AIG1: variants seen among roughly 807,000 people sequenced by gnomAD.
AIG1 encodes androgen induced 1.
In AIG1, 23 loss-of-function variants were observed where a neutral mutation model predicts 31.4. The ratio of observed to expected loss-of-function variants is 0.73; its 90% CI spans 0.53 to 1.04. AIG1 has a LOEUF of 1.04. Among genes scored for constraint, AIG1 ranks in the 50% least tolerant of loss-of-function variants. AIG1 has a pLI of 0.00. For missense variants in AIG1, 274 were observed against 295.0 expected, an observed-to-expected ratio of 0.93 and a Z score of 0.52; for synonymous variants, 100 against 110.5, an observed-to-expected ratio of 0.90 and a Z score of 0.60.
intron 1 of AIG1, among the ~76,000 whole-genome samples, chr6:143,092,757 C>T (rs2128477215): frequency 6.6e-6 from 1 of 152,218 alleles, no homozygotes; most frequent in Non-Finnish European, 1.5e-5. Context: ...TCCATCAAAG[C>T]TTTGAGGTCA....
chr6:143,342,309 C>CGCA, downstream of AIG1: 2 of 682,240 alleles, frequency 2.9e-6, no homozygotes, highest in South Asian at 1.5e-5. Flanking sequence ...TCCCCTGGTG[C>CGCA]GCAGCAGCAG....
chr6:143,265,520 G>T (rs949565980), intron 3 of AIG1, among the ~76,000 whole-genome samples: 1 of 151,874 alleles, frequency 6.6e-6, no homozygotes, highest in African/African-American at 2.4e-5. Context: ...GCTGCCTGGC[G>T]GTCCTCAACT....
In AIG1 at chr6:143,327,472, T is replaced by C; in HGVS notation, c.516-5810T>C. The C allele has an allele frequency of 2.5e-6, 1 of 398,664 alleles. No individual in the cohort carries two copies. Among genetic ancestry groups the C allele is most frequent in the Non-Finnish European group, 4.8e-6 (1 of 206,704 alleles). The allele number at this position is 398,664 out of a possible 1,614,324, so 24.7% of individuals were successfully genotyped here. A position where few individuals can be genotyped will look rare whatever the true frequency, so the allele number is the denominator to read the frequency against. ...TGGGAACTCCAGATTTGCGCATTGA[T>C]ACCAGGCCCAACAAAACTGTCTGGG... On this transcript the variant is annotated intron_variant, in intron 4 of 5. Transcript: ENST00000357847. The surrounding 1 kb of genome is among the most constrained non-coding windows in gnomAD (Gnocchi z 5.3).
intron 3 of AIG1, among the ~76,000 whole-genome samples, chr6:143,263,164 C>T (rs919093774): frequency 6.6e-6 from 1 of 152,146 alleles, no homozygotes; most frequent in Non-Finnish European, 1.5e-5. Context: ...CTTATGGTGA[C>T]CAAGCATTTT....
At chr6:143,105,298 A>C (rs530262402) in intron 1 of AIG1, among the ~76,000 whole-genome samples, 1 of 152,342 alleles carries the variant, frequency 6.6e-6, no homozygotes, top group Admixed American at 6.5e-5. Context: ...AAGACCCTGC[A>C]TGGCCCTCAG....
At chr6:143,105,501 A>G (rs754453044) in intron 1 of AIG1, among the ~76,000 whole-genome samples, 1 of 152,260 alleles carries the variant, frequency 6.6e-6, no homozygotes, top group Non-Finnish European at 1.5e-5. Flanking sequence ...CAAGCTGACT[A>G]TAAACACTAT....
intron 3 of AIG1, among the ~76,000 whole-genome samples, chr6:143,207,255 A>G (rs1791184997): frequency 6.6e-6 from 1 of 152,128 alleles, no homozygotes; most frequent in African/African-American, 2.4e-5. Context: ...TGTCCCAACT[A>G]TACAGTCCTC....
At chr6:143,320,021 A>G (rs1395629197) in intron 4 of AIG1, among the ~76,000 whole-genome samples, 1 of 152,158 alleles carries the variant, frequency 6.6e-6, no homozygotes, top group African/African-American at 2.4e-5. Context: ...TGCAATAGCA[A>G]AAAAATAAAT....
chr6:143,304,076 G>C lies in AIG1; in HGVS notation c.515+19851G>C, dbSNP rs533887972. ...GCTTGTGTTTTTGTGCATTGATTTTGTATCCTGAGACTTTGCTGAAGTTGC... is the reference window on the plus strand; with the variant it reads ...GCTTGTGTTTTTGTGCATTGATTTTCTATCCTGAGACTTTGCTGAAGTTGC... On this transcript the variant is annotated intron_variant, in intron 4 of 5. Transcript: ENST00000357847. Among the ~76,000 whole-genome samples the C allele has an allele frequency of 6.5e-4, 97 of 149,634 alleles. 1 individual carries two copies. The highest frequency in any genetic ancestry group is 3.2e-3 in the South Asian group (15 of 4,634).
At chr6:143,336,647 C>T (rs550013789) in intron 5 of AIG1, among the ~76,000 whole-genome samples, 1 of 152,320 alleles carries the variant, frequency 6.6e-6, no homozygotes, top group South Asian at 2.1e-4. Flanking sequence ...TTCACTCTCT[C>T]CCCACCAGAA....
chr6:143,313,369 G>A (rs1422644712), intron 4 of AIG1, among the ~76,000 whole-genome samples: 1 of 152,140 alleles, frequency 6.6e-6, no homozygotes, highest in Admixed American at 6.6e-5. Flanking sequence ...GTACTACTCA[G>A]CCATGAAAAG....
At chr6:143,261,987 TGA>T (rs920730492) in intron 3 of AIG1, among the ~76,000 whole-genome samples, 1 of 152,240 alleles carries the variant, frequency 6.6e-6, no homozygotes, top group Non-Finnish European at 1.5e-5. Flanking sequence ...ATTTGAGTTA[TGA>T]GAGAGAGTAT....
chr6:143,283,910 G>A (rs1250965798), intron 3 of AIG1, among the ~76,000 whole-genome samples, 200 bp from the exon 4 acceptor site: 1 of 152,110 alleles, frequency 6.6e-6, no homozygotes, highest in Admixed American at 6.5e-5. Flanking sequence ...CAAAAATTAA[G>A]ATACAGAAGA....
chr6:143,132,959 C>G (rs1783391714), intron 1 of AIG1, among the ~76,000 whole-genome samples: 1 of 151,650 alleles, frequency 6.6e-6, no homozygotes, highest in African/African-American at 2.4e-5. Flanking sequence ...CTTCCTTTAA[C>G]TTTTTGAACT....
At chr6:143,126,419 T>G (rs1369387191) in intron 1 of AIG1, 1 of 152,216 alleles carries the variant, frequency 6.6e-6, no homozygotes, top group Admixed American at 6.5e-5. Context: ...TTCACTCATC[T>G]GGTTTCATAC....
intron 3 of AIG1, among the ~76,000 whole-genome samples, chr6:143,219,951 C>T (rs1019522946): frequency 6.6e-6 from 1 of 152,084 alleles, no homozygotes. Flanking sequence ...GAATAATGAC[C>T]CAACTGTTCT....
chr6:143,093,348 A>G (rs1487105081), intron 1 of AIG1, among the ~76,000 whole-genome samples: 1 of 152,136 alleles, frequency 6.6e-6, no homozygotes, highest in African/African-American at 2.4e-5. Context: ...CTAGCTTCCA[A>G]CTTTTCTTCT....
At chr6:143,254,186 T>G (rs918116319) in intron 3 of AIG1, among the ~76,000 whole-genome samples, 2 of 152,160 alleles carry the variant, frequency 1.3e-5, no homozygotes, top group Non-Finnish European at 2.9e-5. Context: ...TACAGAGAGA[T>G]CTGGGGAAAA....
Position 143,185,716 on chromosome 6 carries a change from A to G in AIG1, c.399+20533A>G, listed in dbSNP as rs1789196693. Among the ~76,000 whole-genome samples the G allele has an allele frequency of 3.3e-5, 5 of 152,088 alleles. No homozygotes were observed. The South Asian group carries it at 1.0e-3, about 32-fold the overall frequency. On this transcript the variant is annotated intron_variant, in intron 3 of 5. Coordinates refer to ENST00000357847, the MANE Select transcript of AIG1 (RefSeq NM_016108.4). Reference sequence around the variant, plus strand: ...CACATGGTCTTAGCATCCTCTGCATATTCCATTATCTGGCTCGGTGGCACA... The same window carrying G: ...CACATGGTCTTAGCATCCTCTGCATGTTCCATTATCTGGCTCGGTGGCACA...
Sources: gnomAD v4.1 joint callset for allele counts (sites outside exome capture counted in the v4.1 genomes callset) on GRCh38, gnomAD v4.1.1 for gene constraint, Gnocchi (gnomAD v3.1) non-coding constraint, MANE v1.5 for transcripts, NCBI Gene and HGNC (gene_info 2026-07-23, HGNC 2026-07-21) for gene names.